GPR137: variants seen among roughly 807,000 people sequenced by gnomAD.
GPR137 encodes the protein integral membrane protein GPR137.
Under a neutral mutation model 38.9 loss-of-function variants are expected in GPR137, and 20 were observed. That is an observed-to-expected ratio of 0.51 (90% CI 0.36 to 0.75). GPR137 has a LOEUF of 0.75. GPR137 is among the 30% of genes least tolerant of loss of function. The pLI is 0.00. For synonymous variants in GPR137, 226 were observed against 235.8 expected, an observed-to-expected ratio of 0.96 and a Z score of 0.38; for missense variants, 456 against 526.4, an observed-to-expected ratio of 0.87 and a Z score of 1.31.
chr11:64,279,428 A>G (rs527706762), upstream of GPR137, among the ~76,000 whole-genome samples: 25 of 152,274 alleles, frequency 1.6e-4, 1 homozygote, highest in South Asian at 5.2e-3. Flanking sequence ...AGTCCCTGCC[A>G]GCTCCCACTA....
At position 64,288,950 on chromosome 11, in the gene GPR137, T is replaced by G. The variant is rs1443337183; in HGVS notation, c.1032-87T>G. 12 of 1,451,918 alleles carry G rather than the reference T, an allele frequency of 8.3e-6. No homozygotes were observed. Among genetic ancestry groups the G allele is most frequent in the Non-Finnish European group, 1.1e-5 (12 of 1,106,272 alleles). The allele number at this position is 1,451,918 out of a possible 1,614,324, so 89.9% of individuals were successfully genotyped here. ...CCCCGAAGGTCTAGGTCACAGGGGT[T>G]CTGTTCTAAGCCTGTCTTCCTCCTG... On this transcript the variant is annotated intron_variant, in intron 6 of 6. Transcript: ENST00000438980. This position sits in a 1 kb window ranked among gnomAD's most constrained non-coding sequence, Gnocchi z 5.5.
chr11:64,281,732 C>CT (rs537617462), upstream of GPR137, among the ~76,000 whole-genome samples: 20 of 152,122 alleles, frequency 1.3e-4, no homozygotes, highest in African/African-American at 4.6e-4. Context: ...TCTCTTAACT[C>CT]TTTTTTTTGA....
exon 1 of GPR137, chr11:64,275,759 G>A (rs145461778): frequency 1.2e-3 from 179 of 152,146 alleles, no homozygotes; most frequent in African/African-American, 4.2e-3. Context: ...ACAGGTGGAA[G>A]GTGAGTGACT....
upstream of GPR137, among the ~76,000 whole-genome samples, chr11:64,273,855 CAAAAAAAAAA>C (rs34577596): frequency 1.5e-4 from 8 of 54,820 alleles, no homozygotes; most frequent in East Asian, 2.0e-3. Context: ...GCACCCATCT[CAAAAAAAAAA>C]AAAAAAAAAA....
chr11:64,276,837 C>G (rs575997979), intron 2 of GPR137: 1 of 713,498 alleles, frequency 1.4e-6, no homozygotes, highest in Admixed American at 2.0e-5. Context: ...GAGCCTGGCC[C>G]GGAGCTGGGT....
chr11:64,273,118 C>T (rs2032764277), upstream of GPR137, among the ~76,000 whole-genome samples: 2 of 152,216 alleles, frequency 1.3e-5, no homozygotes, highest in Admixed American at 1.3e-4. Context: ...CCAGTAATCC[C>T]AGCACTTTGG....
chr11:64,270,776 C>T, upstream of GPR137: 1 of 431,000 alleles, frequency 2.3e-6, no homozygotes, highest in Non-Finnish European at 4.7e-6. Context: ...GCCTGGGCGA[C>T]AGAGCGCACA....
chr11:64,286,518 C>T lies in GPR137; in HGVS notation c.-7C>T, dbSNP rs200779731. 6.2e-7 allele frequency: 1 copy of T among 1,602,036 alleles called. No homozygotes were observed. Among genetic ancestry groups the T allele is most frequent in the African/African-American group, 1.3e-5 (1 of 74,768 alleles). Reference sequence around the variant, plus strand: ...CTGTCTCCGGGATTCAGGCCTCCCTCCCTGACATGGAGAGTAACCTGTCTG... The same window carrying T: ...CTGTCTCCGGGATTCAGGCCTCCCTTCCTGACATGGAGAGTAACCTGTCTG... On this transcript the variant is annotated 5_prime_UTR_variant, in exon 1 of 7. Coordinates refer to ENST00000438980, the MANE Select transcript of GPR137 (RefSeq NM_001170880.2).
upstream of GPR137, chr11:64,284,359 T>C: frequency 6.2e-7 from 1 of 1,612,950 alleles, no homozygotes; most frequent in Non-Finnish European, 8.5e-7. Flanking sequence ...AACTCTGGGA[T>C]CTGGAACATG....
chr11:64,282,051 A>C (rs2033513383), upstream of GPR137, among the ~76,000 whole-genome samples: 1 of 152,094 alleles, frequency 6.6e-6, no homozygotes, highest in Non-Finnish European at 1.5e-5. Context: ...GCCCCCATAC[A>C]AATCTTCTCA....
chr11:64,279,562 C>T (rs376416133), upstream of GPR137, among the ~76,000 whole-genome samples: 19 of 151,662 alleles, frequency 1.3e-4, no homozygotes, highest in African/African-American at 4.1e-4. Context: ...GTCAGGAATT[C>T]GAGACCAGCC....
upstream of GPR137, among the ~76,000 whole-genome samples, chr11:64,272,500 G>T (rs564226323): frequency 1.6e-4 from 25 of 152,250 alleles, 1 homozygote; most frequent in South Asian, 5.2e-3. Context: ...GGGACCTGCA[G>T]AGCCCCTGGA....
chr11:64,285,252 C>T (rs1360745956), upstream of GPR137: 5 of 987,082 alleles, frequency 5.1e-6, no homozygotes, highest in South Asian at 9.0e-5. Flanking sequence ...CTCGGGGGCA[C>T]TGGAGATAAG....
At chr11:64,284,788 C>T (rs1420649785), upstream of GPR137, 11 of 1,530,410 alleles carry the variant, frequency 7.2e-6, no homozygotes, top group East Asian at 1.2e-4. Flanking sequence ...GGGGTCAACC[C>T]GGCCCGGCCC....
upstream of GPR137, chr11:64,271,900 T>C (rs2032656888): frequency 9.6e-7 from 1 of 1,040,594 alleles, no homozygotes; most frequent in African/African-American, 1.7e-5. Context: ...GCAGGCCCAC[T>C]CGTGGGTCTT....
upstream of GPR137, chr11:64,284,825 T>A (rs2033768368): frequency 1.6e-5 from 24 of 1,510,910 alleles, no homozygotes; most frequent in South Asian, 2.8e-4. Context: ...CCAAGGCTCC[T>A]CGTCCGCATC....
At chr11:64,280,423 C>G (rs947167882), upstream of GPR137, among the ~76,000 whole-genome samples, 1 of 146,764 alleles carries the variant, frequency 6.8e-6, no homozygotes, top group African/African-American at 2.5e-5. Flanking sequence ...ACCATCTCGG[C>G]TCACTGCAAG....
At chr11:64,287,511 C>A in intron 2 of GPR137, 1 of 650,424 alleles carries the variant, frequency 1.5e-6, no homozygotes, top group Non-Finnish European at 1.9e-6. Context: ...AGACTTCTGA[C>A]TCCAGTTGGT....
Position 64,287,752 on chromosome 11 carries a change from T to C in GPR137, c.439T>C (p.Ser147Pro). Residue 147 changes from serine to proline, a missense_variant, in exon 3 of 7, where the codon TCG (serine) becomes CCG (proline). Ser to Pro is a moderately conservative substitution (Grantham distance 74, BLOSUM62 -1). Coordinates refer to ENST00000438980, the MANE Select transcript of GPR137 (RefSeq NM_001170880.2). ...LAVRGAFVGA[S>P]LLFLLVNVLC... ...TGTCCGAGGGGCCTTTGTGGGGGCC[T>C]CGCTGCTCTTTCTGCTGGTGAACGT... 1 of 1,606,232 alleles carries C rather than the reference T, an allele frequency of 6.2e-7. No homozygotes were observed. The highest frequency in any genetic ancestry group is 8.5e-7 in the Non-Finnish European group (1 of 1,179,918).
Sources: gnomAD v4.1 joint callset for allele counts (sites outside exome capture counted in the v4.1 genomes callset) on GRCh38, gnomAD v4.1.1 for gene constraint, Gnocchi (gnomAD v3.1) non-coding constraint, MANE v1.5 for transcripts, NCBI Gene and HGNC (gene_info 2026-07-23, HGNC 2026-07-21) for gene names.